NOSIP: variants seen among roughly 807,000 people sequenced by gnomAD.
NOSIP encodes the protein nitric oxide synthase interacting protein.
A neutral mutation model predicts 36.4 loss-of-function variants in NOSIP; 25 were observed. That is an observed-to-expected ratio of 0.69 (90% CI 0.50 to 0.96). NOSIP has a LOEUF of 0.96. Among genes scored for constraint, NOSIP ranks in the 40% least tolerant of loss-of-function variants. NOSIP has a pLI of 0.00. For synonymous variants in NOSIP, 187 were observed against 179.2 expected (o/e 1.04, Z -0.35); for missense variants, 370 against 429.0 (o/e 0.86, Z 1.21).
intron 1 of NOSIP, among the ~76,000 whole-genome samples, chr19:49,577,009 T>C (rs1329129257): frequency 1.3e-5 from 2 of 151,896 alleles, no homozygotes; most frequent in African/African-American, 4.8e-5. Context: ...GGTAAAGGAT[T>C]GGAATAGACA....
chr19:49,576,194 G>A (rs6509438), intron 1 of NOSIP, among the ~76,000 whole-genome samples: 15,707 of 151,946 alleles, frequency 0.1, 2,077 homozygotes, highest in African/African-American at 0.3. Context: ...ACAGGTAGCA[G>A]TTACAAAAGT....
chr19:49,556,351 T>G lies in NOSIP; in HGVS notation c.800A>C (p.Lys267Thr), dbSNP rs2080245447. The change falls in exon 8 of 9, where the codon AAA becomes ACA. Residue 267 changes from lysine (K) to threonine (T), a missense_variant. Physicochemically the swap from Lys to Thr is moderately conservative, Grantham distance 78. Transcript: ENST00000596358. ...CACGATGATGTCGCGGTCTGTGAGT[T>G]TGTCTCCAGTCACAGGGTCCACCAT... ...KDMVDPVTGD[K>T]LTDRDIIVLQ... 1 of 1,613,334 alleles carries G rather than the reference T, an allele frequency of 6.2e-7. No individual in the cohort carries two copies. The highest frequency in any genetic ancestry group is 8.5e-7 in the Non-Finnish European group (1 of 1,179,802).
Position 49,557,162 on chromosome 19 carries a change from C to G in NOSIP, c.346G>C (p.Glu116Gln). The G allele has an allele frequency of 1.2e-6, 2 of 1,611,786 alleles. No homozygotes were observed. The highest frequency in any genetic ancestry group is 1.7e-6 in the Non-Finnish European group (2 of 1,179,262). ...CGGCTCACGATAGCCGACTCCTTCT[C>G]CAGGAAGCCCCGCACATGGTCCTGC... ...ASQDHVRGFL[E>Q]KESAIVSRPL... The change falls in exon 5 of 9, where the codon GAG becomes CAG. Residue 116 changes from glutamate (E) to glutamine (Q), a missense_variant. Physicochemically the swap from Glu to Gln is conservative, Grantham distance 29. Transcript: ENST00000596358.
At chr19:49,574,107 C>G (rs2122182299) in intron 1 of NOSIP, among the ~76,000 whole-genome samples, 1 of 152,216 alleles carries the variant, frequency 6.6e-6, no homozygotes, top group East Asian at 1.9e-4. Flanking sequence ...AGGTGATCTA[C>G]TACCTCGGCC....
In NOSIP at chr19:49,557,219, C is replaced by T. The variant is rs151017072; in HGVS notation, c.289G>A (p.Glu97Lys). The T allele has an allele frequency of 1.8e-5, 28 of 1,597,368 alleles. No homozygotes were observed. In the East Asian group the frequency reaches 5.0e-4, roughly 28 times the overall value. ...GCCCGCTGAAGCTCCTTCTGCTCCTCGCGCCGGGTGCCCCGCTGCTTCTCG... is the reference window on the plus strand; with the variant it reads ...GCCCGCTGAAGCTCCTTCTGCTCCTTGCGCCGGGTGCCCCGCTGCTTCTCG... ...AYEKQRGTRR[E>K]EQKELQRAAS... The change falls in exon 5 of 9, where the codon GAG becomes AAG. Residue 97 changes from glutamate (E) to lysine (K), a missense_variant. Glu to Lys is a moderately conservative substitution (Grantham distance 56, BLOSUM62 1). Around this residue, in one of 3 missense-constraint regions of NOSIP, gnomAD observed 315 missense variants for 331.9 expected, o/e 0.95. Coordinates refer to ENST00000596358, the MANE Select transcript of NOSIP (RefSeq NM_001270960.2).
At chr19:49,575,252 G>GC (rs2080536666) in intron 1 of NOSIP, among the ~76,000 whole-genome samples, 1 of 152,124 alleles carries the variant, frequency 6.6e-6, no homozygotes, top group Admixed American at 6.6e-5. Flanking sequence ...ACCTGCCTTG[G>GC]CCTCCCACAG....
At position 49,556,855 on chromosome 19, in the gene NOSIP, G is replaced by A. The variant is rs755552712; in HGVS notation, c.537+20C>T. 1.9e-6 allele frequency: 3 copies of A among 1,600,166 alleles called. No homozygotes were observed. The highest frequency in any genetic ancestry group is 2.6e-6 in the Non-Finnish European group (3 of 1,168,004). On this transcript the variant is annotated intron_variant, in intron 6 of 8. Transcript: ENST00000596358. ...CTGGCGCCCTGGCACCGTGCGTGCC[G>A]GGGCGCTGTGGGGGCTCACCGGCTT...
rs898831268 is a variant in NOSIP at position 49,556,751 on chromosome 19, G to A, written c.538-15C>T. The A allele has an allele frequency of 1.3e-6, 2 of 1,589,004 alleles. No individual in the cohort carries two copies. The highest frequency in any genetic ancestry group is 1.7e-6 in the Non-Finnish European group (2 of 1,166,820). On this transcript the variant is annotated splice_polypyrimidine_tract_variant and intron_variant, in intron 6 of 8. Coordinates refer to ENST00000596358, the MANE Select transcript of NOSIP (RefSeq NM_001270960.2). ...ACCGTGCGGGACTGCAAGGGGCAGA[G>A]AGAGGCGGGCTCAGTAGGCAGGGCT...
At chr19:49,577,819 T>C (rs1009176564) in intron 1 of NOSIP, among the ~76,000 whole-genome samples, 3 of 149,584 alleles carry the variant, frequency 2.0e-5, no homozygotes, top group African/African-American at 7.4e-5. Flanking sequence ...TAGGTGAACC[T>C]TGAAAACATG....
rs1424297443 is a variant in NOSIP at position 49,560,885 on chromosome 19, T to G, written c.-1-193A>C. Among the ~76,000 whole-genome samples, 3 of 152,184 alleles carry G rather than the reference T, an allele frequency of 2.0e-5. No individual in the cohort carries two copies. Among genetic ancestry groups the G allele is most frequent in the Non-Finnish European group, 4.4e-5 (3 of 68,036 alleles). ...AGGAAGTCCTCCTTCCAGACTCACC[T>G]AGACTCATTTATATGTGAAAATAGC... On this transcript the variant is annotated intron_variant, in intron 1 of 8. Coordinates refer to ENST00000596358, the MANE Select transcript of NOSIP (RefSeq NM_001270960.2). This position sits in a 1 kb window ranked among gnomAD's most constrained non-coding sequence, Gnocchi z 4.6.
At chr19:49,569,101 C>A (rs1437041199) in intron 1 of NOSIP, among the ~76,000 whole-genome samples, 1 of 149,222 alleles carries the variant, frequency 6.7e-6, no homozygotes, top group Non-Finnish European at 1.5e-5. Context: ...TGCGCCCGGC[C>A]TGGGAGGATC....
chr19:49,572,096 ATTTTCTTTTTT>A (rs1033667775), intron 1 of NOSIP, among the ~76,000 whole-genome samples: 15 of 149,514 alleles, frequency 1.0e-4, no homozygotes, highest in African/African-American at 3.0e-4. Context: ...CAGATGCTAA[ATTTTCTTTTTT>A]TTTTCTTTTT....
chr19:49,566,168 C>T (rs1002086174), intron 1 of NOSIP, among the ~76,000 whole-genome samples: 6 of 152,138 alleles, frequency 3.9e-5, no homozygotes, highest in African/African-American at 9.6e-5. Context: ...TACAGGCGCT[C>T]GCCACCACGC....
At chr19:49,568,698 A>G (rs2080442016) in intron 1 of NOSIP, among the ~76,000 whole-genome samples, 1 of 150,994 alleles carries the variant, frequency 6.6e-6, no homozygotes, top group Admixed American at 6.6e-5. Context: ...TAATCCCAAC[A>G]CTTTGGGAAA....
chr19:49,577,932 C>A (rs144005571), intron 1 of NOSIP, among the ~76,000 whole-genome samples: 29 of 152,124 alleles, frequency 1.9e-4, no homozygotes, highest in South Asian at 1.7e-3. Flanking sequence ...TAGTGGCTGC[C>A]AAAGACTGGG....
In NOSIP at chr19:49,559,998, C is replaced by CCCGATG; in HGVS notation, c.111_112insCATCGG (p.Arg37_Asp38insHisArg). ...CAGCAGTCGAAGTCCTTCACGGCAT[C>CCCGATG]CCGGCTCAGTCGAATGTTCTGGGTC... On this transcript the variant is annotated inframe_insertion, in exon 3 of 9. Transcript: ENST00000596358. 1 of 1,613,976 alleles carries CCCGATG rather than the reference C, an allele frequency of 6.2e-7. No homozygotes were observed. Among genetic ancestry groups the CCCGATG allele is most frequent in the Non-Finnish European group, 8.5e-7 (1 of 1,179,924 alleles).
At position 49,560,074 on chromosome 19, in the gene NOSIP, G is replaced by T; in HGVS notation, c.71-35C>A. 7.1e-7 allele frequency: 1 copy of T among 1,399,170 alleles called. No homozygotes were observed. 86.7% of individuals were successfully genotyped at this position (1,399,170 alleles called of 1,614,324 possible). A position where few individuals can be genotyped will look rare whatever the true frequency, so the allele number is the denominator to read the frequency against. On this transcript the variant is annotated intron_variant, in intron 2 of 8. Transcript: ENST00000596358. This position sits in a 1 kb window ranked among gnomAD's most constrained non-coding sequence, Gnocchi z 4.6. ...GAGATGGGCAGAGTGATGGAGGGGC[G>T]GAGCAACAGGAGACATGTCCGTCTC...
intron 1 of NOSIP, chr19:49,566,808 C>CATATATATATATATATATATAT (rs1568407436): frequency 3.5e-4 from 44 of 124,448 alleles, no homozygotes; most frequent in African/African-American, 1.3e-3. Context: ...TATATATATA[C>CATATATATATATATATATATAT]ACACATACTA....
chr19:49,579,671 G>T (rs1049364761), intron 1 of NOSIP, among the ~76,000 whole-genome samples: 5 of 152,156 alleles, frequency 3.3e-5, no homozygotes, highest in Admixed American at 2.6e-4. Context: ...TTTGATTGTA[G>T]ATTCACGAAT....
Sources: allele counts gnomAD v4.1 joint callset (sites outside exome capture counted in the v4.1 genomes callset), GRCh38; gene constraint gnomAD v4.1.1; regional missense constraint gnomAD v4.1.1; non-coding constraint Gnocchi (gnomAD v3.1); transcripts MANE v1.5; gene names NCBI Gene and HGNC (gene_info 2026-07-23, HGNC 2026-07-21).